Variants in DISC1 observed in about 807,000 individuals in gnomAD.
DISC1 encodes DISC1 scaffold protein, also known as disrupted in schizophrenia 1 protein.
DISC1 carries 57 observed loss-of-function variants against 84.5 expected under a neutral mutation model. The observed-to-expected ratio is 0.67, with a 90% CI of 0.55 to 0.84. The LOEUF (loss-of-function observed/expected upper bound fraction) is 0.84, where lower values mean the gene tolerates loss of function less well. Among genes scored for constraint, DISC1 ranks in the 40% least tolerant of loss-of-function variants. The pLI is 0.00. For synonymous variants in DISC1, 411 were observed against 415.2 expected, an observed-to-expected ratio of 0.99 and a Z score of 0.12; for missense variants, 1,000 against 1,057.8, an observed-to-expected ratio of 0.95 and a Z score of 0.76.
chr1:231,988,211 C>T (rs960304043), intron 10 of DISC1, among the ~76,000 whole-genome samples: 1 of 152,110 alleles, frequency 6.6e-6, no homozygotes. Flanking sequence ...GCAACTTGGT[C>T]CTTGCTACTC....
intron 9 of DISC1, among the ~76,000 whole-genome samples, chr1:231,928,533 G>C (rs1401461956): frequency 6.6e-6 from 1 of 152,032 alleles, no homozygotes; most frequent in Non-Finnish European, 1.5e-5. Context: ...TTTTTTGAAG[G>C]GTTTTTCGTG....
chr1:231,969,594 C>CTTTTTTTTTTTT (rs1242596568), intron 10 of DISC1, among the ~76,000 whole-genome samples: 1 of 78,914 alleles, frequency 1.3e-5, no homozygotes, highest in Non-Finnish European at 2.8e-5. Flanking sequence ...TTCTTTCTTT[C>CTTTTTTTTTTTT]TTTCTTTTTT....
Position 231,776,507 on chromosome 1 carries a change from C to T in DISC1, c.1634+5437C>T, listed in dbSNP as rs149310412. 2.6e-3 allele frequency among the ~76,000 whole-genome samples: 398 copies of T among 152,304 alleles called. 4 individuals carry two copies. The highest frequency in any genetic ancestry group is 9.0e-3 in the African/African-American group (375 of 41,570). On this transcript the variant is annotated intron_variant, in intron 6 of 12. Transcript: ENST00000439617. ...TTGGTTGGAGAGTCTGGGAGCCTCG[C>T]GGCAGGGCTGGGCTGGGGAGGCTCG...
intron 3 of DISC1, among the ~76,000 whole-genome samples, chr1:231,717,605 G>A (rs1192121930): frequency 6.6e-6 from 1 of 152,162 alleles, no homozygotes; most frequent in Non-Finnish European, 1.5e-5. Flanking sequence ...ATTCAGAGTA[G>A]GGACTGAGTG....
intron 5 of DISC1, among the ~76,000 whole-genome samples, chr1:231,770,076 G>A (rs1002404786): frequency 6.6e-5 from 10 of 152,082 alleles, no homozygotes; most frequent in African/African-American, 2.4e-4. Context: ...CAGGATTAGA[G>A]TTGCACTCTT....
rs558135468 is a variant in DISC1, at chr1:231,757,748, A to G, written c.1268+7672A>G. 2.6e-5 allele frequency among the ~76,000 whole-genome samples: 4 copies of G among 152,198 alleles called. No homozygotes were observed. In the South Asian group the frequency reaches 8.3e-4, roughly 32 times the overall value. ...ATGGTATATGCTCAGGCCACCCTAT[A>G]ATAGACCCTCTCTGCCCTGCTAGGT... On this transcript the variant is annotated intron_variant, in intron 4 of 12. Coordinates refer to ENST00000439617, the MANE Select transcript of DISC1 (RefSeq NM_018662.3).
chr1:231,754,307 A>G (rs1365974733), intron 4 of DISC1, among the ~76,000 whole-genome samples: 1 of 152,180 alleles, frequency 6.6e-6, no homozygotes, highest in East Asian at 1.9e-4. Flanking sequence ...TTGGCTCACT[A>G]TTCTGCAGGA....
At chr1:231,868,692 T>TTTTATATATATATATATATA (rs2085227096) in intron 9 of DISC1, among the ~76,000 whole-genome samples, 4 of 108,842 alleles carry the variant, frequency 3.7e-5, no homozygotes, top group Non-Finnish European at 7.6e-5. Context: ...ACCCCATCTC[T>TTTTATATATATATATATATA]TATATATATA....
At chr1:231,931,344 G>A (rs1174044830) in intron 9 of DISC1, among the ~76,000 whole-genome samples, 2 of 152,192 alleles carry the variant, frequency 1.3e-5, no homozygotes, top group Non-Finnish European at 2.9e-5. Context: ...GGGTGAGTCT[G>A]CACAGCAACT....
chr1:232,018,394 T>C (rs201707417), intron 11 of DISC1, among the ~76,000 whole-genome samples: 154 of 152,344 alleles, frequency 1.0e-3, no homozygotes, highest in Non-Finnish European at 1.5e-3. Context: ...GAGACCCTGG[T>C]CATGGAATTT....
chr1:231,705,248 A>G (rs1053266064), intron 3 of DISC1, among the ~76,000 whole-genome samples: 4 of 137,570 alleles, frequency 2.9e-5, no homozygotes, highest in Non-Finnish European at 4.6e-5. Flanking sequence ...AGATTGCACC[A>G]TTGCACTCCA....
chr1:231,965,918 C>G (rs1661046572), intron 10 of DISC1, among the ~76,000 whole-genome samples: 1 of 152,252 alleles, frequency 6.6e-6, no homozygotes, highest in African/African-American at 2.4e-5. Flanking sequence ...TTCACTCAGT[C>G]TGTCTAATTC....
intron 9 of DISC1, among the ~76,000 whole-genome samples, chr1:231,836,315 C>A (rs187661854): frequency 6.6e-6 from 1 of 152,152 alleles, no homozygotes; most frequent in Admixed American, 6.5e-5. Flanking sequence ...CTGATGGTGT[C>A]TGTGGCCCTT....
chr1:232,007,193 C>A (rs1487987903), intron 10 of DISC1, among the ~76,000 whole-genome samples: 1 of 152,138 alleles, frequency 6.6e-6, no homozygotes, highest in Non-Finnish European at 1.5e-5. Context: ...GGGTCAGAGC[C>A]CCCACACTGA....
intron 9 of DISC1, among the ~76,000 whole-genome samples, chr1:231,903,928 C>T (rs762768256): frequency 5.3e-5 from 8 of 152,172 alleles, no homozygotes; most frequent in Non-Finnish European, 1.2e-4. Flanking sequence ...AGTCAAGAGA[C>T]TATAGAGAGT....
At position 232,031,195 on chromosome 1, in the gene DISC1, C is replaced by G. The variant is rs9661419; in HGVS notation, c.2425+4643C>G. Among the ~76,000 whole-genome samples the G allele has an allele frequency of 0.62, 86,145 of 139,368 alleles. 26,384 individuals carry two copies. Among genetic ancestry groups the G allele is most frequent in the African/African-American group, 0.78 (29,847 of 38,186 alleles). 91.4% of individuals were successfully genotyped at this position (139,368 alleles called of 152,430 possible). ...AAGGAAGGAAGGGAGAAAGGAGAGA[C>G]AGAGAGAGAGGAAGGAAGGAAGGGA... On this transcript the variant is annotated intron_variant, in intron 12 of 12. Coordinates refer to ENST00000439617, the MANE Select transcript of DISC1 (RefSeq NM_018662.3). This position sits in a 1 kb window ranked among gnomAD's most constrained non-coding sequence, Gnocchi z 4.6.
intron 10 of DISC1, among the ~76,000 whole-genome samples, chr1:231,970,457 A>T (rs1468133593): frequency 6.6e-6 from 1 of 152,214 alleles, no homozygotes; most frequent in Non-Finnish European, 1.5e-5. Context: ...GAAGATTAGA[A>T]GTGAAGCCCT....
intron 10 of DISC1, among the ~76,000 whole-genome samples, chr1:231,976,095 C>T (rs988484455): frequency 5.3e-5 from 8 of 152,152 alleles, no homozygotes; most frequent in African/African-American, 1.9e-4. Flanking sequence ...GGCCAGGCAG[C>T]GGGCAACTGT....
intron 9 of DISC1, among the ~76,000 whole-genome samples, chr1:231,958,559 C>T (rs376268431): frequency 2.6e-5 from 4 of 152,298 alleles, no homozygotes; most frequent in East Asian, 3.9e-4. Flanking sequence ...TATCAGTGAG[C>T]TGCTTTTTAA....
Sources: allele counts gnomAD v4.1 joint callset (sites outside exome capture counted in the v4.1 genomes callset), GRCh38; gene constraint gnomAD v4.1.1; non-coding constraint Gnocchi (gnomAD v3.1); transcripts MANE v1.5; gene names NCBI Gene and HGNC (gene_info 2026-07-23, HGNC 2026-07-21).